SRD5A2: variants seen among roughly 807,000 people sequenced by gnomAD.
The protein encoded by SRD5A2 is 3-oxo-5-alpha-steroid 4-dehydrogenase 2.
Under a neutral mutation model 27.4 loss-of-function variants are expected in SRD5A2, and 30 were observed. The observed-to-expected ratio is 1.10, with a 90% CI of 0.82 to 1.49. The LOEUF (loss-of-function observed/expected upper bound fraction) is 1.49, where lower values mean the gene tolerates loss of function less well. Among genes scored for constraint, SRD5A2 ranks in the 40% most tolerant of loss-of-function variants. The probability of loss-of-function intolerance (pLI) is 0.00; values close to 1 mark genes in which losing one functional copy is unlikely to be tolerated. For synonymous variants in SRD5A2, 141 were observed against 133.6 expected (o/e 1.06, Z -0.38); for missense variants, 348 against 323.4 (o/e 1.08, Z -0.58).
the SRD5A2 span, among the ~76,000 whole-genome samples, chr2:31,642,629 A>G: frequency 6.6e-6 from 1 of 152,188 alleles, no homozygotes; most frequent in Admixed American, 6.5e-5. Flanking sequence ...AAGTTAAAAT[A>G]CACCTACTTT....
At chr2:31,558,511 T>C (rs1016438762) in intron 1 of SRD5A2, among the ~76,000 whole-genome samples, 5 of 152,200 alleles carry the variant, frequency 3.3e-5, no homozygotes, top group African/African-American at 1.2e-4. Context: ...TGGCTTGTCA[T>C]TGCATCACTC....
the SRD5A2 span, among the ~76,000 whole-genome samples, chr2:31,637,429 G>A: frequency 6.6e-6 from 1 of 152,178 alleles, no homozygotes; most frequent in Non-Finnish European, 1.5e-5. Context: ...GTATTACAAT[G>A]TATTTTCATA....
the SRD5A2 span, among the ~76,000 whole-genome samples, chr2:31,630,307 GAGAC>G: frequency 1.3e-5 from 2 of 152,134 alleles, no homozygotes; most frequent in East Asian, 1.9e-4. Flanking sequence ...CAGAGAGAGA[GAGAC>G]AGAGAGAGAG....
chr2:31,639,319 T>C, the SRD5A2 span, among the ~76,000 whole-genome samples: 1 of 152,108 alleles, frequency 6.6e-6, no homozygotes, highest in African/African-American at 2.4e-5. Context: ...GTAGCTATTA[T>C]TGTTTTTGAT....
At chr2:31,643,525 A>G in the SRD5A2 span, among the ~76,000 whole-genome samples, 1 of 152,102 alleles carries the variant, frequency 6.6e-6, no homozygotes, top group African/African-American at 2.4e-5. Flanking sequence ...AGGACCAATG[A>G]CACATCAGGG....
At chr2:31,611,481 A>T in the SRD5A2 span, among the ~76,000 whole-genome samples, 52 of 152,228 alleles carry the variant, frequency 3.4e-4, no homozygotes, top group Non-Finnish European at 2.1e-4. Context: ...TACATAAAGA[A>T]TGCTTACAAA....
intron 2 of SRD5A2, among the ~76,000 whole-genome samples, 172 bp downstream of exon 2, chr2:31,533,431 G>T (rs1311841011): frequency 6.6e-6 from 1 of 152,184 alleles, no homozygotes; most frequent in Non-Finnish European, 1.5e-5. Flanking sequence ...GGCATGATAT[G>T]TGTTTAAACA....
intron 1 of SRD5A2, chr2:31,563,441 G>C (rs1423900157): frequency 6.6e-6 from 1 of 152,028 alleles, no homozygotes; most frequent in South Asian, 2.1e-4. Context: ...ATTAGGCAAT[G>C]AAAAACAGTG....
upstream of SRD5A2, among the ~76,000 whole-genome samples, chr2:31,583,626 AAACAAAAAAAAAGCAAAAAAAAAAC>A (rs1359674775): frequency 0.015 from 670 of 45,180 alleles, 6 homozygotes; most frequent in African/African-American, 0.036. Flanking sequence ...AAAAAAAAAA[AAACAAAAAAAAAGCAAAAAAAAAAC>A]CAAAAAAAAA....
At chr2:31,545,939 A>G (rs533050363) in intron 1 of SRD5A2, among the ~76,000 whole-genome samples, 2 of 152,352 alleles carry the variant, frequency 1.3e-5, no homozygotes, top group South Asian at 4.1e-4. Flanking sequence ...TATGAAAAGG[A>G]TATTAAGAAA....
intron 1 of SRD5A2, among the ~76,000 whole-genome samples, chr2:31,549,387 C>T (rs1050141811): frequency 6.6e-6 from 1 of 151,908 alleles, no homozygotes; most frequent in African/African-American, 2.4e-5. Context: ...GCTGGGATTA[C>T]AGGCGTGAAT....
At chr2:31,575,571 A>C (rs1182458288) in intron 1 of SRD5A2, among the ~76,000 whole-genome samples, 2 of 152,208 alleles carry the variant, frequency 1.3e-5, no homozygotes, top group East Asian at 3.8e-4. Flanking sequence ...GGATGAGGAG[A>C]AATTCCGCTG....
chr2:31,548,051 A>G (rs2148076619), intron 1 of SRD5A2, among the ~76,000 whole-genome samples: 1 of 152,284 alleles, frequency 6.6e-6, no homozygotes, highest in East Asian at 1.9e-4. Flanking sequence ...TATGCAAAAT[A>G]AATAAATTAG....
the SRD5A2 span, among the ~76,000 whole-genome samples, chr2:31,627,874 A>T: frequency 2.0e-5 from 3 of 152,042 alleles, no homozygotes; most frequent in Admixed American, 6.6e-5. Context: ...TAATTTGCAG[A>T]GGATGGTTTT....
the SRD5A2 span, among the ~76,000 whole-genome samples, chr2:31,624,264 G>A: frequency 0.032 from 4,799 of 151,992 alleles, 254 homozygotes; most frequent in African/African-American, 0.11. Context: ...ACTTTAAAAT[G>A]TACAGTTAAA....
At chr2:31,655,680 A>T in the SRD5A2 span, among the ~76,000 whole-genome samples, 1 of 152,146 alleles carries the variant, frequency 6.6e-6, no homozygotes, top group Non-Finnish European at 1.5e-5. Context: ...TGGGAGGAAG[A>T]GGTGGGAAGA....
chr2:31,554,834 T>A (rs553755855), intron 1 of SRD5A2, among the ~76,000 whole-genome samples: 125 of 152,168 alleles, frequency 8.2e-4, no homozygotes, highest in African/African-American at 2.9e-3. Context: ...AGATGGTTCT[T>A]CGGTATCAAT....
At chr2:31,646,165 GCACACA>G in the SRD5A2 span, among the ~76,000 whole-genome samples, 14 of 151,104 alleles carry the variant, frequency 9.3e-5, no homozygotes, top group African/African-American at 2.7e-4. Flanking sequence ...GTGTGTGCGT[GCACACA>G]CACACACACG....
the SRD5A2 span, among the ~76,000 whole-genome samples, chr2:31,592,339 CG>C: frequency 1.3e-5 from 2 of 152,186 alleles, no homozygotes; most frequent in East Asian, 3.9e-4. Context: ...CCTGGCTAAC[CG>C]GAAGTCCTGA....
Sources: gnomAD v4.1 joint callset for allele counts (sites outside exome capture counted in the v4.1 genomes callset) on GRCh38, gnomAD v4.1.1 for gene constraint, MANE v1.5 for transcripts, NCBI Gene and HGNC (gene_info 2026-07-23, HGNC 2026-07-21) for gene names.